The following GTF2A2 variants were observed in gnomAD, a reference collection of about 807,000 sequenced individuals.
GTF2A2 encodes the protein general transcription factor IIA subunit 2, also known as transcription initiation factor IIA subunit 2.
In GTF2A2, 9 loss-of-function variants were observed where a neutral mutation model predicts 14.3. The observed-to-expected ratio is 0.63, with a 90% CI of 0.38 to 1.10. The LOEUF (loss-of-function observed/expected upper bound fraction) is 1.10, where lower values mean the gene tolerates loss of function less well. Ranked by LOEUF, GTF2A2 falls within the 50% of genes least tolerant of loss-of-function variation. GTF2A2 has a pLI of 0.01. For synonymous variants in GTF2A2, 56 were observed against 46.0 expected (o/e 1.22, Z -0.88); for missense variants, 90 against 124.6 (o/e 0.72, Z 1.32).
intron 3 of GTF2A2, among the ~76,000 whole-genome samples, chr15:59,648,676 T>C (rs1394348555): frequency 2.0e-5 from 3 of 152,108 alleles, no homozygotes; most frequent in Admixed American, 1.3e-4. Context: ...GGCTCAAGCC[T>C]GTAATCCCAG....
intron 1 of GTF2A2, 64 bp from the exon 2 acceptor site, chr15:59,652,390 A>G (rs2141966685): frequency 4.9e-6 from 3 of 614,994 alleles, no homozygotes; most frequent in Admixed American, 2.9e-5. Flanking sequence ...TATGTATATA[A>G]TATCATCTAC....
chr15:59,656,923 T>A (rs1314533923), intron 1 of GTF2A2: 2 of 152,260 alleles, frequency 1.3e-5, no homozygotes, highest in Non-Finnish European at 2.9e-5. Context: ...AGAAGTCAAA[T>A]TCGGAAGTAA....
chr15:59,639,162 G>GAAAC lies in GTF2A2; in HGVS notation c.305-9_305-6dup. On this transcript the variant is annotated splice_polypyrimidine_tract_variant and splice_region_variant and intron_variant, in intron 4 of 4. Transcript: ENST00000396060. The stretch of plus-strand genomic sequence containing the variant: ...CTGTAGTATTGGAGCCAGTATCTAG[G>GAAAC]AAACAAAAGAGAAAGTAAAGTAAAG... 6.9e-7 allele frequency: 1 copy of GAAAC among 1,442,326 alleles called. No homozygotes were observed. Among genetic ancestry groups the GAAAC allele is most frequent in the Non-Finnish European group, 9.7e-7 (1 of 1,027,970 alleles). 89.3% of individuals were successfully genotyped at this position (1,442,326 alleles called of 1,614,324 possible).
At chr15:59,645,732 T>C (rs1427692525) in intron 3 of GTF2A2, among the ~76,000 whole-genome samples, 12 of 152,102 alleles carry the variant, frequency 7.9e-5, no homozygotes, top group African/African-American at 2.9e-4. Flanking sequence ...TAATCCACGA[T>C]CTTAAGAGTG....
intron 2 of GTF2A2, 107 bp downstream of exon 2, chr15:59,652,099 A>C (rs751178728): frequency 3.2e-5 from 22 of 683,268 alleles, no homozygotes; most frequent in Non-Finnish European, 5.4e-5. Flanking sequence ...TGCTGGGTCA[A>C]ATAGTCCAAG....
At chr15:59,641,872 T>C (rs905982619) in intron 4 of GTF2A2, among the ~76,000 whole-genome samples, 1 of 152,196 alleles carries the variant, frequency 6.6e-6, no homozygotes, top group Non-Finnish European at 1.5e-5. Context: ...GTAATGGAAA[T>C]AGGGAACAAA....
At chr15:59,642,033 G>C in intron 4 of GTF2A2, 103 bp downstream of exon 4, 1 of 936,508 alleles carries the variant, frequency 1.1e-6, no homozygotes, top group Non-Finnish European at 1.6e-6. Context: ...ATTGATCATA[G>C]GGCCATTTTA....
chr15:59,653,071 G>T (rs1891841307), intron 1 of GTF2A2: 1 of 152,234 alleles, frequency 6.6e-6, no homozygotes, highest in Non-Finnish European at 1.5e-5. Context: ...GTACGAATAG[G>T]GAGTGGCAGG....
rs1217664483 is a variant in GTF2A2 at position 59,638,298 on chromosome 15, A to G, written c.*834T>C. 6.6e-6 allele frequency: 1 copy of G among 152,038 alleles called. No homozygotes were observed. Among genetic ancestry groups the G allele is most frequent in the African/African-American group, 2.4e-5 (1 of 41,386 alleles). 9.4% of individuals were successfully genotyped at this position (152,038 alleles called of 1,614,324 possible). On this transcript the variant is annotated 3_prime_UTR_variant, in exon 5 of 5. Transcript: ENST00000396060. ...ATCGAGGTAACAGCAAAAATCTTTT[A>G]CTCCAATTGGGTCAATCCAGTTAAC...
At chr15:59,655,147 A>AGAGGT (rs1384305695) in intron 1 of GTF2A2, among the ~76,000 whole-genome samples, 2 of 151,982 alleles carry the variant, frequency 1.3e-5, no homozygotes. Context: ...TCACCATCAA[A>AGAGGT]TTTTCCCTCT....
chr15:59,649,180 T>TA (rs1278240952), intron 3 of GTF2A2, among the ~76,000 whole-genome samples: 1 of 152,176 alleles, frequency 6.6e-6, no homozygotes, highest in African/African-American at 2.4e-5. Flanking sequence ...ATTCTGGATT[T>TA]AAAATTGATC....
At chr15:59,644,588 A>T (rs373412670) in intron 3 of GTF2A2, among the ~76,000 whole-genome samples, 2 of 152,232 alleles carry the variant, frequency 1.3e-5, no homozygotes, top group Non-Finnish European at 2.9e-5. Flanking sequence ...ACGTAGTATA[A>T]CAGTGCTATG....
At chr15:59,656,629 T>C (rs1347664204) in intron 1 of GTF2A2, among the ~76,000 whole-genome samples, 1 of 151,986 alleles carries the variant, frequency 6.6e-6, no homozygotes, top group Non-Finnish European at 1.5e-5. Flanking sequence ...TATCAGTAAG[T>C]ATAATATGCG....
At position 59,657,465 on chromosome 15, in the gene GTF2A2, G is replaced by C. The variant is rs1415828321; in HGVS notation, c.-109C>G. On this transcript the variant is annotated 5_prime_UTR_variant, in exon 1 of 5. Transcript: ENST00000396060. The stretch of plus-strand genomic sequence containing the variant: ...AGAAGCCGCCACGAGCCCGGCAGGA[G>C]GTTCCTACTTCTCCGACCACCTCTC... 6.6e-6 allele frequency: 1 copy of C among 152,622 alleles called. No individual in the cohort carries two copies. The highest frequency in any genetic ancestry group is 1.5e-5 in the Non-Finnish European group (1 of 68,364). The allele number at this position is 152,622 out of a possible 1,614,324, so 9.5% of individuals were successfully genotyped here.
chr15:59,639,907 T>G (rs1203987094), intron 4 of GTF2A2, among the ~76,000 whole-genome samples: 2 of 151,986 alleles, frequency 1.3e-5, no homozygotes, highest in African/African-American at 2.4e-5. Flanking sequence ...GGTACCACCA[T>G]GCCTGGCTAA....
In GTF2A2 at chr15:59,638,615, T is replaced by G. The variant is rs1595664196; in HGVS notation, c.*517A>C. The G allele has an allele frequency of 6.6e-6, 1 of 152,536 alleles. No homozygotes were observed. The highest frequency in any genetic ancestry group is 2.4e-5 in the African/African-American group (1 of 41,572). 9.4% of individuals were successfully genotyped at this position (152,536 alleles called of 1,614,324 possible). On this transcript the variant is annotated 3_prime_UTR_variant, in exon 5 of 5. Transcript: ENST00000396060. ...CTAACTTTTCCTAATCAAGTTGTAC[T>G]TGGGTTTTTTTATACCAATGATTAA...
rs1422650794 is a variant in GTF2A2 at position 59,638,507 on chromosome 15, T to TTTTG, written c.*621_*624dup. On this transcript the variant is annotated 3_prime_UTR_variant, in exon 5 of 5. Coordinates refer to ENST00000396060, the MANE Select transcript of GTF2A2 (RefSeq NM_004492.3). The stretch of plus-strand genomic sequence containing the variant: ...AGACACCTGTCATGTGGGGGGACTA[T>TTTTG]TTTGTTTGGGTTTTTTTCCCCCTTC... 3.9e-5 allele frequency: 6 copies of TTTTG among 152,284 alleles called. No homozygotes were observed. The highest frequency in any genetic ancestry group is 6.6e-5 in the Admixed American group (1 of 15,266). 9.4% of individuals were successfully genotyped at this position (152,284 alleles called of 1,614,324 possible).
intron 2 of GTF2A2, chr15:59,651,715 G>A (rs1396247092): frequency 6.6e-6 from 1 of 152,240 alleles, no homozygotes; most frequent in Non-Finnish European, 1.5e-5. Context: ...GAGGCAGGAT[G>A]TTGCTCTGTC....
At chr15:59,656,883 T>A (rs1189832351) in intron 1 of GTF2A2, 2 of 152,368 alleles carry the variant, frequency 1.3e-5, no homozygotes, top group East Asian at 3.9e-4. Context: ...AAATTTATTG[T>A]TCCCTTCTTG....
Sources: allele counts gnomAD v4.1 joint callset (sites outside exome capture counted in the v4.1 genomes callset), GRCh38; gene constraint gnomAD v4.1.1; transcripts MANE v1.5; gene names NCBI Gene and HGNC (gene_info 2026-07-23, HGNC 2026-07-21).